MOB1A: variants seen among roughly 807,000 people sequenced by gnomAD.
MOB1A encodes MOB kinase activator 1A, also known as MOB1 Mps One Binder homolog A.
MOB1A carries 10 observed loss-of-function variants against 25.1 expected under a neutral mutation model. That is an observed-to-expected ratio of 0.40 (90% CI 0.25 to 0.68). MOB1A has a LOEUF of 0.68. MOB1A is among the 30% of genes least tolerant of loss of function. The pLI, the probability that MOB1A is intolerant of heterozygous loss-of-function variation, is 0.40. For missense variants in MOB1A, 177 were observed against 256.3 expected, an observed-to-expected ratio of 0.69 and a Z score of 2.11; for synonymous variants, 81 against 79.5, an observed-to-expected ratio of 1.02 and a Z score of -0.10.
At chr2:74,170,784 G>C (rs963060161) in intron 2 of MOB1A, among the ~76,000 whole-genome samples, 3 of 150,950 alleles carry the variant, frequency 2.0e-5, no homozygotes, top group Non-Finnish European at 2.9e-5. Context: ...CCAGCTACTC[G>C]GACGGGTGAG....
At chr2:74,170,251 G>T (rs1693249621) in intron 2 of MOB1A, among the ~76,000 whole-genome samples, 1 of 151,610 alleles carries the variant, frequency 6.6e-6, no homozygotes, top group Non-Finnish European at 1.5e-5. Context: ...TGATTCTCCT[G>T]CCTCAGCCTC....
chr2:74,158,088 G>A (rs1489898761), intron 5 of MOB1A, among the ~76,000 whole-genome samples: 5 of 150,446 alleles, frequency 3.3e-5, no homozygotes, highest in Non-Finnish European at 2.9e-5. Context: ...GCTGAGGCAG[G>A]AGAACTGCTT....
intron 4 of MOB1A, 25 bp from the exon 5 acceptor site, chr2:74,159,279 C>T: frequency 6.2e-7 from 1 of 1,603,520 alleles, no homozygotes; most frequent in Non-Finnish European, 8.5e-7. Flanking sequence ...ACATATGAAA[C>T]AATTATTTGG....
At chr2:74,163,026 A>G (rs184601218) in intron 4 of MOB1A, among the ~76,000 whole-genome samples, 191 of 152,276 alleles carry the variant, frequency 1.3e-3, no homozygotes, top group Admixed American at 1.9e-3. Flanking sequence ...CATTAATATA[A>G]TTTTTTAAAA....
At chr2:74,176,597 T>C (rs1314589991) in intron 1 of MOB1A, among the ~76,000 whole-genome samples, 1 of 151,590 alleles carries the variant, frequency 6.6e-6, no homozygotes, top group Non-Finnish European at 1.5e-5. Flanking sequence ...ACCCCGTCTC[T>C]ACTAAAAACA....
chr2:74,163,275 A>C (rs1248454752), intron 4 of MOB1A, among the ~76,000 whole-genome samples: 1 of 152,228 alleles, frequency 6.6e-6, no homozygotes, highest in Non-Finnish European at 1.5e-5. Flanking sequence ...ATACTTTAAA[A>C]ATTCAAGAGA....
chr2:74,167,850 G>A (rs918766123), intron 2 of MOB1A, among the ~76,000 whole-genome samples: 8 of 152,078 alleles, frequency 5.3e-5, no homozygotes, highest in Admixed American at 3.3e-4. Flanking sequence ...AATAATATAA[G>A]ATATGGCCAG....
At position 74,172,451 on chromosome 2, in the gene MOB1A, T is replaced by A. The variant is rs998570472; in HGVS notation, c.181+135A>T. 4.8e-6 allele frequency: 4 copies of A among 825,662 alleles called. No individual in the cohort carries two copies. The African/African-American group carries it at 6.9e-5, about 14-fold the overall frequency. 51.1% of individuals were successfully genotyped at this position (825,662 alleles called of 1,614,324 possible). On this transcript the variant is annotated intron_variant, in intron 2 of 5. Coordinates refer to ENST00000396049, the MANE Select transcript of MOB1A (RefSeq NM_018221.5). ...CTGAAAAGAGCAACATAGCTTTGGA[T>A]GTATTTGTACTTAATGTTTCTTTAC...
At chr2:74,170,003 G>C (rs1045929009) in intron 2 of MOB1A, among the ~76,000 whole-genome samples, 1 of 152,056 alleles carries the variant, frequency 6.6e-6, no homozygotes, top group Admixed American at 6.6e-5. Flanking sequence ...AGGGTAAGTG[G>C]ATCTGAGACC....
rs959918861 is a variant in MOB1A, at chr2:74,155,038, A to G, written c.*1530T>C. 6.6e-6 allele frequency: 1 copy of G among 151,436 alleles called. No individual in the cohort carries two copies. Among genetic ancestry groups the G allele is most frequent in the African/African-American group, 2.4e-5 (1 of 41,252 alleles). The allele number at this position is 151,436 out of a possible 1,614,324, so 9.4% of individuals were successfully genotyped here. A position where few individuals can be genotyped will look rare whatever the true frequency, so the allele number is the denominator to read the frequency against. ...TTAGTGGAGTAAGAAAAATAAATCT[A>G]AAAAAAAACATCAAATCTAACCTTT... On this transcript the variant is annotated 3_prime_UTR_variant, in exon 6 of 6. Transcript: ENST00000396049.
chr2:74,173,547 A>ATT (rs1375135493), intron 1 of MOB1A, among the ~76,000 whole-genome samples: 1 of 141,960 alleles, frequency 7.0e-6, no homozygotes, highest in Non-Finnish European at 1.6e-5. Flanking sequence ...CACCCAGCTA[A>ATT]TTTTTTTTTT....
rs1020932210 is a variant in MOB1A at position 74,173,282 on chromosome 2, G to C, written c.15-530C>G. 4 of 487,334 alleles carry C rather than the reference G, an allele frequency of 8.2e-6. No individual in the cohort carries two copies. In the East Asian group the frequency reaches 1.7e-4, roughly 21 times the overall value. 30.2% of individuals were successfully genotyped at this position (487,334 alleles called of 1,614,324 possible). A position where few individuals can be genotyped will look rare whatever the true frequency, so the allele number is the denominator to read the frequency against. On this transcript the variant is annotated intron_variant, in intron 1 of 5. Transcript: ENST00000396049. The stretch of plus-strand genomic sequence containing the variant: ...CAATTTTACTATGCCCTCTGAAGAA[G>C]TCTGGTACAGAGAAACATCCTGGAT...
At position 74,160,565 on chromosome 2, in the gene MOB1A, G is replaced by A. The variant is rs185910397; in HGVS notation, c.410-1311C>T. Among the ~76,000 whole-genome samples the A allele has an allele frequency of 5.7e-3, 860 of 152,210 alleles. 7 individuals are homozygous for A. Among genetic ancestry groups the A allele is most frequent in the African/African-American group, 0.019 (776 of 41,516 alleles). ...AAAATACAAAAATTAGCCAGGGGTGGTGGCAGGCAACTGTAATCCCAGCTA... is the reference window on the plus strand; with the variant it reads ...AAAATACAAAAATTAGCCAGGGGTGATGGCAGGCAACTGTAATCCCAGCTA... On this transcript the variant is annotated intron_variant, in intron 4 of 5. Transcript: ENST00000396049.
chr2:74,176,796 A>G (rs1300650193), intron 1 of MOB1A, among the ~76,000 whole-genome samples: 1 of 151,824 alleles, frequency 6.6e-6, no homozygotes, highest in Non-Finnish European at 1.5e-5. Flanking sequence ...AACAAGTGCT[A>G]TGAGAGGTGT....
chr2:74,169,024 T>G (rs1693209232), intron 2 of MOB1A, among the ~76,000 whole-genome samples: 1 of 152,186 alleles, frequency 6.6e-6, no homozygotes, highest in Non-Finnish European at 1.5e-5. Context: ...ATGTGTAATA[T>G]CACAACAGAC....
rs140226393 is a variant in MOB1A at position 74,156,326 on chromosome 2, T to C, written c.*242A>G. The C allele has an allele frequency of 4.4e-6, 2 of 453,856 alleles. No individual in the cohort carries two copies. The highest frequency in any genetic ancestry group is 4.1e-5 in the African/African-American group (2 of 49,070). 28.1% of individuals were successfully genotyped at this position (453,856 alleles called of 1,614,324 possible). A position where few individuals can be genotyped will look rare whatever the true frequency, so the allele number is the denominator to read the frequency against. On this transcript the variant is annotated 3_prime_UTR_variant, in exon 6 of 6. Coordinates refer to ENST00000396049, the MANE Select transcript of MOB1A (RefSeq NM_018221.5). The stretch of plus-strand genomic sequence containing the variant: ...AACCATCACATATTACAACCAAGTA[T>C]GACTATGTGATAACAACAAGAGTGG...
rs1693100970 is a variant in MOB1A, at chr2:74,165,354, G to A, written c.276-3C>T. The A allele has an allele frequency of 6.7e-7, 1 of 1,489,394 alleles. No homozygotes were observed. The highest frequency in any genetic ancestry group is 9.0e-7 in the Non-Finnish European group (1 of 1,116,298). 92.3% of individuals were successfully genotyped at this position (1,489,394 alleles called of 1,614,324 possible). On this transcript the variant is annotated splice_polypyrimidine_tract_variant and splice_region_variant and intron_variant, in intron 3 of 5. Coordinates refer to ENST00000396049, the MANE Select transcript of MOB1A (RefSeq NM_018221.5). ...CATCTGCCCAGTGATATTCATATCTGAAGAGAAAAATGTTTTACTGATAAA... is the reference window on the plus strand; with the variant it reads ...CATCTGCCCAGTGATATTCATATCTAAAGAGAAAAATGTTTTACTGATAAA...
In MOB1A at chr2:74,159,221, G is replaced by A; in HGVS notation, c.443C>T (p.Ala148Val). 1 of 1,613,602 alleles carries A rather than the reference G, an allele frequency of 6.2e-7. No individual in the cohort carries two copies. Among genetic ancestry groups the A allele is most frequent in the Non-Finnish European group, 8.5e-7 (1 of 1,179,808 alleles). ...GAACAGACGCTTTAGAATAGTCTTTGCCACAGACATAAAGTTTTTGGGAAA... is the reference window on the plus strand; with the variant it reads ...GAACAGACGCTTTAGAATAGTCTTTACCACAGACATAAAGTTTTTGGGAAA... ...VPFPKNFMSV[A>V]KTILKRLFRV... The change falls in exon 5 of 6, where the codon GCA becomes GTA. Residue 148 changes from alanine to valine, a missense_variant. By Grantham distance (64) the Ala-to-Val change is moderately conservative. Transcript: ENST00000396049.
At chr2:74,174,141 C>A (rs1422447514) in intron 1 of MOB1A, among the ~76,000 whole-genome samples, 2 of 143,014 alleles carry the variant, frequency 1.4e-5, no homozygotes, top group Non-Finnish European at 3.1e-5. Context: ...CGTGGTGGCA[C>A]ACGCCTGTAG....
Sources: gnomAD v4.1 joint callset for allele counts (sites outside exome capture counted in the v4.1 genomes callset) on GRCh38, gnomAD v4.1.1 for gene constraint, MANE v1.5 for transcripts, NCBI Gene and HGNC (gene_info 2026-07-23, HGNC 2026-07-21) for gene names.